Variants in TMEM63A observed in about 807,000 individuals in gnomAD.
TMEM63A encodes the protein mechanosensitive cation channel TMEM63A.
A neutral mutation model predicts 100.6 loss-of-function variants in TMEM63A; 76 were observed. The observed-to-expected ratio is 0.76, with a 90% confidence interval of 0.63 to 0.91. The LOEUF (loss-of-function observed/expected upper bound fraction) is 0.91, where lower values mean the gene tolerates loss of function less well. Among genes scored for constraint, TMEM63A ranks in the 40% least tolerant of loss-of-function variants. The pLI, the probability that TMEM63A is intolerant of heterozygous loss-of-function variation, is 0.00. For synonymous variants in TMEM63A, 401 were observed against 401.1 expected (o/e 1.00, Z 0.00); for missense variants, 876 against 1,008.8 (o/e 0.87, Z 1.78).
chr1:225,855,821 C>A, intron 18 of TMEM63A, 57 bp downstream of exon 18: 1 of 1,571,604 alleles, frequency 6.4e-7, no homozygotes, highest in Admixed American at 1.7e-5. Flanking sequence ...CAGCCCCAGC[C>A]CCTGTGGGAC....
chr1:225,847,977 C>CT (rs1423337108), intron 23 of TMEM63A, among the ~76,000 whole-genome samples: 2 of 152,144 alleles, frequency 1.3e-5, no homozygotes, highest in East Asian at 3.8e-4. Context: ...GAGCAGGACC[C>CT]TGGAGGCTGT....
chr1:225,878,903 C>T (rs1274471234), intron 2 of TMEM63A, among the ~76,000 whole-genome samples: 1 of 151,732 alleles, frequency 6.6e-6, no homozygotes, highest in Non-Finnish European at 1.5e-5. Flanking sequence ...CACACACACA[C>T]ACACACACAC....
At chr1:225,859,703 TG>T (rs1327493873) in intron 14 of TMEM63A, 1 of 245,932 alleles carries the variant, frequency 4.1e-6, no homozygotes, top group Non-Finnish European at 7.9e-6. Context: ...TAGAGTGCAG[TG>T]GTGTGATCTC....
intron 20 of TMEM63A, 110 bp downstream of exon 20, chr1:225,852,554 G>T (rs1226986561): frequency 3.2e-6 from 3 of 941,228 alleles, no homozygotes; most frequent in Non-Finnish European, 3.4e-6. Flanking sequence ...TCTTGTGGCT[G>T]TGGTTTTGGG....
At chr1:225,855,979 C>T (rs758954046) in intron 17 of TMEM63A, 39 bp from the exon 18 acceptor site, 92 of 1,600,710 alleles carry the variant, frequency 5.7e-5, no homozygotes, top group Non-Finnish European at 7.7e-5. Flanking sequence ...TTATTTCCAG[C>T]ATTCCATATT....
At chr1:225,855,598 G>A (rs1373819312) in intron 18 of TMEM63A, among the ~76,000 whole-genome samples, 1 of 151,980 alleles carries the variant, frequency 6.6e-6, no homozygotes, top group Admixed American at 6.6e-5. Flanking sequence ...GTGACTCTGT[G>A]CTCAGTAAGT....
In TMEM63A at chr1:225,865,932, TCTGGGGAGTC is replaced by T; in HGVS notation, c.701_710del (p.Gly234GlufsTer33). 6.2e-7 allele frequency: 1 copy of T among 1,613,946 alleles called. No individual in the cohort carries two copies. The highest frequency in any genetic ancestry group is 1.1e-5 in the South Asian group (1 of 91,078). Reference sequence around the variant, plus strand: ...TCTCCACAGTCTCCTTCCTGGCATCTCTGGGGAGTCCTGTGATGAACAGGGTCCGCCTCAC... The same window carrying T: ...TCTCCACAGTCTCCTTCCTGGCATCTCTGTGATGAACAGGGTCCGCCTCAC... On this transcript the variant is annotated frameshift_variant, in exon 10 of 25. Coordinates refer to ENST00000366835, the MANE Select transcript of TMEM63A (RefSeq NM_014698.3). LOFTEE classifies it high-confidence loss of function. This position sits in a 1 kb window ranked among gnomAD's most constrained non-coding sequence, Gnocchi z 4.6.
intron 15 of TMEM63A, among the ~76,000 whole-genome samples, chr1:225,857,401 C>T (rs11808321): frequency 0.17 from 22,361 of 132,558 alleles, 2,266 homozygotes; most frequent in East Asian, 0.33. Flanking sequence ...GGGGGGGTGC[C>T]CTGCCTGCTC....
In TMEM63A at chr1:225,845,546, A is replaced by C; in HGVS notation, c.*1393T>G. 6 of 611,780 alleles carry C rather than the reference A, an allele frequency of 9.8e-6. No homozygotes were observed. Among genetic ancestry groups the C allele is most frequent in the Non-Finnish European group, 8.6e-6 (3 of 349,138 alleles). The allele number at this position is 611,780 out of a possible 1,614,324, so 37.9% of individuals were successfully genotyped here. The stretch of plus-strand genomic sequence containing the variant: ...GGTAAGCAACATGGCTTTGATGATA[A>C]ACGACTTTACTCTAAAAGCGGCTGG... On this transcript the variant is annotated 3_prime_UTR_variant, in exon 25 of 25. Coordinates refer to ENST00000366835, the MANE Select transcript of TMEM63A (RefSeq NM_014698.3).
chr1:225,855,053 G>A (rs1433270759), intron 18 of TMEM63A, among the ~76,000 whole-genome samples: 2 of 152,220 alleles, frequency 1.3e-5, no homozygotes, highest in Non-Finnish European at 1.5e-5. Context: ...GTATGTATGT[G>A]TGTCTGTCAC....
At chr1:225,855,809 T>A in intron 18 of TMEM63A, 69 bp downstream of exon 18, 27 of 1,471,966 alleles carry the variant, frequency 1.8e-5, no homozygotes, top group East Asian at 2.3e-5. Context: ...CCCATCCCAC[T>A]GCAGCCCCAG....
chr1:225,845,543 A>G lies in TMEM63A; in HGVS notation c.*1396T>C. Reference sequence around the variant, plus strand: ...TGTGGTAAGCAACATGGCTTTGATGATAAACGACTTTACTCTAAAAGCGGC... The same window carrying G: ...TGTGGTAAGCAACATGGCTTTGATGGTAAACGACTTTACTCTAAAAGCGGC... On this transcript the variant is annotated 3_prime_UTR_variant, in exon 25 of 25. Transcript: ENST00000366835. 1 of 625,146 alleles carries G rather than the reference A, an allele frequency of 1.6e-6. No individual in the cohort carries two copies. 38.7% of individuals were successfully genotyped at this position (625,146 alleles called of 1,614,324 possible). A position where few individuals can be genotyped will look rare whatever the true frequency, so the allele number is the denominator to read the frequency against.
intron 5 of TMEM63A, 171 bp downstream of exon 5, chr1:225,871,816 T>C (rs756451593): frequency 1.7e-6 from 1 of 591,892 alleles, no homozygotes; most frequent in Non-Finnish European, 3.0e-6. Flanking sequence ...TCCCGGGTCA[T>C]CCAGCTGCCA....
At chr1:225,850,133 C>T in intron 20 of TMEM63A, 54 bp from the exon 21 acceptor site, 14 of 1,587,272 alleles carry the variant, frequency 8.8e-6, no homozygotes, top group Non-Finnish European at 1.1e-5. Context: ...ACAGACACCT[C>T]TGTCCTCTTC....
chr1:225,855,036 G>A (rs573504349), intron 18 of TMEM63A, among the ~76,000 whole-genome samples: 2 of 152,304 alleles, frequency 1.3e-5, no homozygotes, highest in African/African-American at 4.8e-5. Context: ...CTAGACTATT[G>A]CTGGCTGTAT....
Position 225,874,218 on chromosome 1 carries a change from ACACT to A in TMEM63A, c.266+66_266+69del, listed in dbSNP as rs369935001. On this transcript the variant is annotated intron_variant, in intron 4 of 24. Transcript: ENST00000366835. ...CATATATGCACACACGCACATATACACACTCACGCACATATACACACTCACACGT... is the reference window on the plus strand; with the variant it reads ...CATATATGCACACACGCACATATACACACGCACATATACACACTCACACGT... 37 of 1,435,998 alleles carry A rather than the reference ACACT, an allele frequency of 2.6e-5. No homozygotes were observed. The African/African-American group carries it at 3.2e-4, about 13-fold the overall frequency. The allele number at this position is 1,435,998 out of a possible 1,614,324, so 89.0% of individuals were successfully genotyped here.
intron 20 of TMEM63A, among the ~76,000 whole-genome samples, chr1:225,850,356 A>C (rs537709756): frequency 6.6e-6 from 1 of 151,600 alleles, no homozygotes; most frequent in Admixed American, 6.6e-5. Context: ...AAATAGACAC[A>C]AACCTTCTTG....
intron 3 of TMEM63A, among the ~76,000 whole-genome samples, chr1:225,875,847 T>C (rs1250150386): frequency 6.6e-6 from 1 of 151,806 alleles, no homozygotes; most frequent in African/African-American, 2.4e-5. Flanking sequence ...GTGAATCGCT[T>C]GAGCTCAGGA....
At chr1:225,877,763 C>T (rs374367527) in intron 2 of TMEM63A, 169 bp from the exon 3 acceptor site, 3 of 592,416 alleles carry the variant, frequency 5.1e-6, no homozygotes, top group Middle Eastern at 9.2e-4. Context: ...GCGTGCCTGG[C>T]AGTGTCCACA....
Sources: allele counts gnomAD v4.1 joint callset (sites outside exome capture counted in the v4.1 genomes callset), GRCh38; gene constraint gnomAD v4.1.1; non-coding constraint Gnocchi (gnomAD v3.1); transcripts MANE v1.5; gene names NCBI Gene and HGNC (gene_info 2026-07-23, HGNC 2026-07-21).